The following ITGA9 variants were observed in gnomAD, a reference collection of about 807,000 sequenced individuals.
The protein encoded by ITGA9 is integrin alpha-9.
In ITGA9, 56 loss-of-function variants were observed where a neutral mutation model predicts 127.8. The ratio of observed to expected loss-of-function variants is 0.44; its 90% CI spans 0.35 to 0.55. The LOEUF (loss-of-function observed/expected upper bound fraction) is 0.55. ITGA9 is among the 20% of genes least tolerant of loss of function. The pLI, the probability that ITGA9 is intolerant of heterozygous loss-of-function variation, is 0.00. For missense variants in ITGA9, 1,196 were observed against 1,347.1 expected, an observed-to-expected ratio of 0.89 and a Z score of 1.76; for synonymous variants, 508 against 514.5, an observed-to-expected ratio of 0.99 and a Z score of 0.17.
At chr3:37,731,072 A>C (rs765657096) in intron 18 of ITGA9, among the ~76,000 whole-genome samples, 2 of 152,224 alleles carry the variant, frequency 1.3e-5, no homozygotes, top group Non-Finnish European at 2.9e-5. Context: ...GCAGCTACCA[A>C]ACATCATTAT....
chr3:37,522,076 C>T (rs545188276), intron 11 of ITGA9, among the ~76,000 whole-genome samples: 54 of 152,102 alleles, frequency 3.6e-4, no homozygotes, highest in African/African-American at 1.3e-3. Flanking sequence ...TCCTTGCCTT[C>T]GTGACTTCTC....
intron 16 of ITGA9, among the ~76,000 whole-genome samples, chr3:37,640,834 C>G (rs537927831): frequency 1.3e-4 from 20 of 152,278 alleles, no homozygotes; most frequent in African/African-American, 4.6e-4. Context: ...CTGGGGGTGC[C>G]ATCGGCTGCT....
chr3:37,566,625 G>A (rs1381129962), intron 15 of ITGA9, among the ~76,000 whole-genome samples: 1 of 152,228 alleles, frequency 6.6e-6, no homozygotes, highest in Non-Finnish European at 1.5e-5. Context: ...GGCTCCTATG[G>A]TGGGTGTGCT....
intron 1 of ITGA9, among the ~76,000 whole-genome samples, chr3:37,468,458 G>A (rs1337705619): frequency 3.3e-5 from 5 of 152,170 alleles, no homozygotes; most frequent in Non-Finnish European, 7.3e-5. Flanking sequence ...TCTGAGCCAG[G>A]TTAGTGACGA....
chr3:37,796,457 TGTTG>T (rs1180323210), intron 26 of ITGA9, among the ~76,000 whole-genome samples: 2 of 150,534 alleles, frequency 1.3e-5, no homozygotes, highest in African/African-American at 5.0e-5. Context: ...CAGACACATT[TGTTG>T]GTTGGTTGGA....
intron 15 of ITGA9, among the ~76,000 whole-genome samples, chr3:37,579,076 T>C (rs976357575): frequency 6.6e-6 from 1 of 152,124 alleles, no homozygotes; most frequent in African/African-American, 2.4e-5. Context: ...TGTCCTCTGG[T>C]ATCCAGGAAA....
At chr3:37,772,160 C>A (rs1204509634) in intron 23 of ITGA9, among the ~76,000 whole-genome samples, 3 of 152,246 alleles carry the variant, frequency 2.0e-5, no homozygotes, top group South Asian at 4.1e-4. Flanking sequence ...AATCTCAACA[C>A]TTTGGGAGGC....
At chr3:37,784,911 TC>T in intron 25 of ITGA9, 65 bp from the exon 26 acceptor site, 1 of 1,322,646 alleles carries the variant, frequency 7.6e-7, no homozygotes, top group African/African-American at 1.4e-5. Flanking sequence ...TTCTGCCCAG[TC>T]CCTCTCAAGG....
In ITGA9 at chr3:37,608,135, A is replaced by T. The variant is rs557325737; in HGVS notation, c.1690-21052A>T. ...AGGCACTCTGGGTGTGGATGGGGGC[A>T]TCTGTGTACTCTTTATGGCTATATT... On this transcript the variant is annotated intron_variant, in intron 15 of 27. Transcript: ENST00000264741. Among the ~76,000 whole-genome samples, 7 of 152,348 alleles carry T rather than the reference A, an allele frequency of 4.6e-5. No individual in the cohort carries two copies. The South Asian group carries it at 1.5e-3, about 32-fold the overall frequency.
At chr3:37,469,237 G>A (rs1033974408) in intron 1 of ITGA9, among the ~76,000 whole-genome samples, 10 of 152,198 alleles carry the variant, frequency 6.6e-5, no homozygotes, top group Non-Finnish European at 1.3e-4. Context: ...CAGCTTTTCA[G>A]TTCAAGATGG....
chr3:37,704,732 T>C (rs958614880), intron 18 of ITGA9, among the ~76,000 whole-genome samples: 18 of 152,196 alleles, frequency 1.2e-4, no homozygotes, highest in Non-Finnish European at 2.5e-4. Context: ...CTGAAACTCT[T>C]GTAGACACCA....
At chr3:37,618,970 T>C (rs1700101876) in intron 15 of ITGA9, among the ~76,000 whole-genome samples, 1 of 152,138 alleles carries the variant, frequency 6.6e-6, no homozygotes, top group Non-Finnish European at 1.5e-5. Flanking sequence ...CCCACTGTCC[T>C]GCACCCACTG....
chr3:37,548,953 A>G (rs566639413), intron 15 of ITGA9, among the ~76,000 whole-genome samples: 3 of 152,350 alleles, frequency 2.0e-5, no homozygotes, highest in Middle Eastern at 6.8e-3. Flanking sequence ...GTTGGGATGC[A>G]TAGAACTGAT....
At chr3:37,518,783 T>A (rs1381346858) in intron 10 of ITGA9, among the ~76,000 whole-genome samples, 1 of 124,640 alleles carries the variant, frequency 8.0e-6, no homozygotes, top group African/African-American at 3.4e-5. Flanking sequence ...TTTTTTTTTT[T>A]TTTTTTTTTT....
intron 18 of ITGA9, among the ~76,000 whole-genome samples, chr3:37,722,655 C>A (rs1701202232): frequency 6.6e-6 from 1 of 152,188 alleles, no homozygotes; most frequent in South Asian, 2.1e-4. Context: ...ATACTTCATT[C>A]TTTTTCATGG....
chr3:37,637,116 G>A (rs1460841526), intron 16 of ITGA9, among the ~76,000 whole-genome samples: 1 of 152,118 alleles, frequency 6.6e-6, no homozygotes, highest in Non-Finnish European at 1.5e-5. Context: ...GGCGATGCGG[G>A]CTCTTTTTTG....
intron 15 of ITGA9, among the ~76,000 whole-genome samples, chr3:37,625,259 A>T (rs892893814): frequency 1.3e-5 from 2 of 152,236 alleles, no homozygotes; most frequent in East Asian, 3.9e-4. Flanking sequence ...TATGTGTTGC[A>T]CTGCGTTGTC....
chr3:37,602,018 T>G (rs1699926876), intron 15 of ITGA9, among the ~76,000 whole-genome samples: 1 of 152,084 alleles, frequency 6.6e-6, no homozygotes, highest in Non-Finnish European at 1.5e-5. Context: ...AACCAGCTGT[T>G]GTAGGAGCAC....
In ITGA9 at chr3:37,819,247, G is replaced by A. The variant is rs1240983211; in HGVS notation, c.*258G>A. The A allele has an allele frequency of 1.8e-6, 1 of 559,180 alleles. No individual in the cohort carries two copies. The highest frequency in any genetic ancestry group is 3.2e-6 in the Non-Finnish European group (1 of 312,342). The allele number at this position is 559,180 out of a possible 1,614,324, so 34.6% of individuals were successfully genotyped here. On this transcript the variant is annotated 3_prime_UTR_variant, in exon 28 of 28. Transcript: ENST00000264741. The stretch of plus-strand genomic sequence containing the variant: ...AGCTACAGAGCCGAGCAATATTTAT[G>A]GATGCAACACGCATGGTCAACCCTC...
Sources: gnomAD v4.1 joint callset for allele counts (sites outside exome capture counted in the v4.1 genomes callset) on GRCh38, gnomAD v4.1.1 for gene constraint, MANE v1.5 for transcripts, NCBI Gene and HGNC (gene_info 2026-07-23, HGNC 2026-07-21) for gene names.